Variants in MKLN1 observed in about 807,000 individuals in gnomAD.
MKLN1 encodes muskelin 1.
A neutral mutation model predicts 99.0 loss-of-function variants in MKLN1; 18 were observed. The observed-to-expected ratio is 0.18, with a 90% CI of 0.13 to 0.27. The LOEUF (loss-of-function observed/expected upper bound fraction) is 0.27. Among genes scored for constraint, MKLN1 ranks in the 10% least tolerant of loss-of-function variants. The probability of loss-of-function intolerance (pLI) is 1.00; values close to 1 mark genes in which losing one functional copy is unlikely to be tolerated. For synonymous variants in MKLN1, 288 were observed against 293.2 expected (o/e 0.98, Z 0.18); for missense variants, 621 against 875.9 (o/e 0.71, Z 3.67).
intron 2 of MKLN1, among the ~76,000 whole-genome samples, chr7:131,385,542 A>AATTATT (rs556034576): frequency 1.3e-5 from 2 of 151,916 alleles, no homozygotes; most frequent in Non-Finnish European, 2.9e-5. Flanking sequence ...TGCATTTTAA[A>AATTATT]ATTATTATTA....
chr7:131,134,615 C>T (rs189087662), intron 1 of MKLN1, among the ~76,000 whole-genome samples: 2 of 152,276 alleles, frequency 1.3e-5, no homozygotes, highest in South Asian at 2.1e-4. Context: ...GCACTTCAAC[C>T]TCGGCCCGTC....
chr7:131,314,761 C>T (rs906460282), intron 3 of MKLN1, among the ~76,000 whole-genome samples: 5 of 151,758 alleles, frequency 3.3e-5, no homozygotes, highest in African/African-American at 7.3e-5. Flanking sequence ...CTCTGTTCTG[C>T]GGTACTGAAA....
chr7:131,300,537 C>T (rs1348274316), intron 3 of MKLN1, among the ~76,000 whole-genome samples: 2 of 126,118 alleles, frequency 1.6e-5, no homozygotes, highest in African/African-American at 2.9e-5. Flanking sequence ...AAAAAAAAAT[C>T]GCCAGGTGTG....
chr7:131,199,525 A>G (rs1375794451), intron 2 of MKLN1, among the ~76,000 whole-genome samples: 1 of 152,212 alleles, frequency 6.6e-6, no homozygotes, highest in South Asian at 2.1e-4. Context: ...TCACTGAAGA[A>G]TATTATTCTT....
At chr7:131,461,631 A>C (rs1223630488) in intron 12 of MKLN1, among the ~76,000 whole-genome samples, 1 of 152,224 alleles carries the variant, frequency 6.6e-6, no homozygotes, top group Non-Finnish European at 1.5e-5. Flanking sequence ...GAAGACCAAG[A>C]TCAATATGGC....
chr7:131,342,381 C>T (rs2116731231), intron 1 of MKLN1, among the ~76,000 whole-genome samples: 1 of 152,216 alleles, frequency 6.6e-6, no homozygotes, highest in Non-Finnish European at 1.5e-5. Flanking sequence ...AGATACATAC[C>T]TATCAGTGTA....
intron 3 of MKLN1, among the ~76,000 whole-genome samples, chr7:131,233,241 G>A (rs1797268967): frequency 6.6e-6 from 1 of 152,018 alleles, no homozygotes; most frequent in African/African-American, 2.4e-5. Context: ...GGGCAAGATA[G>A]TATGTGCCTG....
chr7:131,453,418 ATAGAT>A (rs778447736), intron 12 of MKLN1, among the ~76,000 whole-genome samples: 2 of 152,310 alleles, frequency 1.3e-5, no homozygotes, highest in East Asian at 1.9e-4. Flanking sequence ...GAGAGAAAGA[ATAGAT>A]TAAACAGTAT....
intron 3 of MKLN1, among the ~76,000 whole-genome samples, chr7:131,277,305 T>A (rs895171673): frequency 2.6e-5 from 4 of 151,864 alleles, no homozygotes; most frequent in African/African-American, 9.7e-5. Flanking sequence ...TTTTTTGAGT[T>A]GGAGTTTTGC....
intron 8 of MKLN1, among the ~76,000 whole-genome samples, chr7:131,415,489 G>T (rs959584844): frequency 2.0e-5 from 3 of 152,020 alleles, no homozygotes; most frequent in African/African-American, 7.2e-5. Context: ...TTCTTGACAT[G>T]AATTTATTTT....
intron 2 of MKLN1, among the ~76,000 whole-genome samples, chr7:131,191,149 G>A (rs1244476863): frequency 1.3e-5 from 2 of 152,218 alleles, no homozygotes; most frequent in Non-Finnish European, 2.9e-5. Context: ...GTGAGCCCCC[G>A]TGGGGTTGTT....
chr7:131,188,059 G>T (rs1474045013), intron 2 of MKLN1, among the ~76,000 whole-genome samples: 2 of 152,082 alleles, frequency 1.3e-5, no homozygotes, highest in Non-Finnish European at 2.9e-5. Flanking sequence ...CAAGGTATTG[G>T]GTTGGTTCAG....
chr7:131,384,024 A>C (rs920819311), intron 2 of MKLN1, among the ~76,000 whole-genome samples: 4 of 152,198 alleles, frequency 2.6e-5, no homozygotes, highest in Admixed American at 2.6e-4. Context: ...TTCAAACTTC[A>C]TGTAATTGCA....
intron 2 of MKLN1, among the ~76,000 whole-genome samples, chr7:131,190,374 G>A (rs2116380985): frequency 6.6e-6 from 1 of 151,500 alleles, no homozygotes; most frequent in Non-Finnish European, 1.5e-5. Context: ...TAGAGAAGCA[G>A]ATGACCCCGG....
chr7:131,463,611 T>G (rs1796579628), intron 13 of MKLN1, among the ~76,000 whole-genome samples: 1 of 152,170 alleles, frequency 6.6e-6, no homozygotes, highest in Non-Finnish European at 1.5e-5. Context: ...TGTATTTTAG[T>G]CTAGGTTCCG....
chr7:131,442,272 G>A (rs1050743253), intron 10 of MKLN1, among the ~76,000 whole-genome samples: 1 of 152,142 alleles, frequency 6.6e-6, no homozygotes, highest in African/African-American at 2.4e-5. Flanking sequence ...AAATAGCCAG[G>A]CACGGTGGCT....
In MKLN1 at chr7:131,322,631, C is replaced by T. The variant is rs572033452; in HGVS notation, c.-178-52793C>T. ...CAGGCCGGACTGCGGACTGCAGTGG[C>T]GCAATCTCGGCTCACTGCAAGCTCC... On this transcript the variant is annotated intron_variant, in intron 3 of 7. Coordinates refer to the MKLN1 transcript ENST00000416992. Among the ~76,000 whole-genome samples, 401 of 146,536 alleles carry T rather than the reference C, an allele frequency of 2.7e-3. 1 individual carries two copies. The highest frequency in any genetic ancestry group is 4.5e-3 in the Non-Finnish European group (305 of 67,322).
chr7:131,167,962 C>T (rs1320409333), intron 2 of MKLN1, among the ~76,000 whole-genome samples: 1 of 152,022 alleles, frequency 6.6e-6, no homozygotes, highest in African/African-American at 2.4e-5. Context: ...TAAATATACA[C>T]CTGAAAAAGG....
chr7:131,241,377 AAAAAAAAAAAAAAGAAAAAAG>A (rs1295269672), intron 3 of MKLN1, among the ~76,000 whole-genome samples: 1 of 14,888 alleles, frequency 6.7e-5, no homozygotes, highest in African/African-American at 2.0e-4. Flanking sequence ...GACTCTGTCT[AAAAAAAAAAAAAAGAAAAAAG>A]AAAAAAAAAA....
Sources: gnomAD v4.1 joint callset for allele counts (sites outside exome capture counted in the v4.1 genomes callset) on GRCh38, gnomAD v4.1.1 for gene constraint, MANE v1.5 for transcripts, NCBI Gene and HGNC (gene_info 2026-07-23, HGNC 2026-07-21) for gene names.